Variants in ILDR1 observed in about 807,000 individuals in gnomAD.
The protein encoded by ILDR1 is immunoglobulin-like domain-containing receptor 1.
ILDR1 carries 56 observed loss-of-function variants against 62.4 expected under a neutral mutation model. That is an observed-to-expected ratio of 0.90 (90% CI 0.72 to 1.12). ILDR1 has a LOEUF of 1.12. Ranked by LOEUF, ILDR1 falls within the 50% of genes most tolerant of loss-of-function variation. The pLI is 0.00. For synonymous variants in ILDR1, 284 were observed against 277.8 expected (o/e 1.02, Z -0.22); for missense variants, 736 against 710.6 (o/e 1.04, Z -0.41).
upstream of ILDR1, among the ~76,000 whole-genome samples, chr3:122,023,283 G>C (rs889040378): frequency 1.3e-5 from 2 of 152,010 alleles, no homozygotes; most frequent in African/African-American, 4.8e-5. Context: ...GCCAGATCAA[G>C]GTTTTGACCT....
intron 1 of ILDR1, among the ~76,000 whole-genome samples, chr3:122,012,112 C>G (rs1397770068): frequency 6.6e-6 from 1 of 152,182 alleles, no homozygotes; most frequent in African/African-American, 2.4e-5. Context: ...AAATCACCCA[C>G]TTTCTTTTCC....
At chr3:122,056,492 G>A in the ILDR1 span, among the ~76,000 whole-genome samples, 6 of 151,986 alleles carry the variant, frequency 3.9e-5, no homozygotes, top group Non-Finnish European at 8.8e-5. Flanking sequence ...CCACCACCAC[G>A]CCCGGCTAAT....
intron 3 of ILDR1, among the ~76,000 whole-genome samples, chr3:122,003,882 T>G (rs1313876817): frequency 1.3e-5 from 2 of 152,162 alleles, no homozygotes; most frequent in African/African-American, 4.8e-5. Flanking sequence ...CTTGAAACTT[T>G]GAGGTCAGAT....
At chr3:122,035,259 G>C in the ILDR1 span, among the ~76,000 whole-genome samples, 1 of 152,070 alleles carries the variant, frequency 6.6e-6, no homozygotes, top group Non-Finnish European at 1.5e-5. Flanking sequence ...AGAAAAAAAA[G>C]TTTATCCCTG....
upstream of ILDR1, chr3:122,022,343 C>T (rs1341972860): frequency 2.5e-6 from 1 of 404,762 alleles, no homozygotes; most frequent in Non-Finnish European, 4.4e-6. Context: ...GGACTGCGGC[C>T]ACCTTCCCTA....
At chr3:122,000,915 G>A (rs545220951) in intron 5 of ILDR1, among the ~76,000 whole-genome samples, 20 of 152,206 alleles carry the variant, frequency 1.3e-4, no homozygotes, top group Non-Finnish European at 2.4e-4. Context: ...GGAAAAAACA[G>A]TTTTGTTTTC....
At chr3:122,052,368 C>A in the ILDR1 span, among the ~76,000 whole-genome samples, 1 of 152,210 alleles carries the variant, frequency 6.6e-6, no homozygotes, top group Non-Finnish European at 1.5e-5. Flanking sequence ...TTTTCCATGT[C>A]CCCTAGGGAT....
chr3:121,999,579 C>T (rs2071486612), intron 5 of ILDR1, among the ~76,000 whole-genome samples: 1 of 152,206 alleles, frequency 6.6e-6, no homozygotes, highest in African/African-American at 2.4e-5. Flanking sequence ...TCCCTCTTCC[C>T]TTGCCCTAAC....
chr3:122,029,511 A>AAAAAAATATAT, the ILDR1 span, among the ~76,000 whole-genome samples: 1 of 139,476 alleles, frequency 7.2e-6, no homozygotes, highest in African/African-American at 2.8e-5. Flanking sequence ...GTCTAAAAAA[A>AAAAAAATATAT]ATATATATAT....
the ILDR1 span, among the ~76,000 whole-genome samples, chr3:122,059,422 G>A: frequency 3.3e-5 from 5 of 152,024 alleles, no homozygotes; most frequent in African/African-American, 1.2e-4. Context: ...TGTAGTCCCA[G>A]CTACTTGGGA....
the ILDR1 span, among the ~76,000 whole-genome samples, chr3:122,047,382 T>C: frequency 1.3e-5 from 2 of 152,272 alleles, no homozygotes; most frequent in Non-Finnish European, 2.9e-5. Flanking sequence ...GTCTGTGCCC[T>C]GCCCCCAGAG....
At chr3:122,007,651 C>T (rs1346155807) in intron 1 of ILDR1, among the ~76,000 whole-genome samples, 3 of 152,202 alleles carry the variant, frequency 2.0e-5, no homozygotes, top group African/African-American at 4.8e-5. Flanking sequence ...GTCAGCCATT[C>T]TGAGCTTTCT....
In ILDR1 at chr3:122,005,303, C is replaced by G. The variant is rs2071589346; in HGVS notation, c.320G>C (p.Gly107Ala). Residue 107 changes from glycine to alanine, a missense_variant, in exon 3 of 8, where the codon GGG becomes GCG. Physicochemically the swap from Gly to Ala is moderately conservative, Grantham distance 60. Coordinates refer to ENST00000344209, the MANE Select transcript of ILDR1 (RefSeq NM_001199799.2). ...TACCCCCAGCACGGGCTCATTCTGC[C>G]CCCGCCGCTGGGCCACTATGCGAAC... ...REVRIVAQRR[G>A]QNEPVLGVDY... 1.2e-6 allele frequency: 2 copies of G among 1,613,800 alleles called. No homozygotes were observed. Among genetic ancestry groups the G allele is most frequent in the Non-Finnish European group, 8.5e-7 (1 of 1,179,930 alleles).
the ILDR1 span, among the ~76,000 whole-genome samples, chr3:122,033,306 G>A: frequency 1.3e-5 from 2 of 151,462 alleles, no homozygotes; most frequent in Non-Finnish European, 2.9e-5. Flanking sequence ...CTTGAGTCTC[G>A]GTGGAATCTT....
chr3:122,008,583 CTTTTCT>C (rs1268288628), intron 1 of ILDR1, among the ~76,000 whole-genome samples: 1 of 66,224 alleles, frequency 1.5e-5, no homozygotes, highest in African/African-American at 3.9e-5. Flanking sequence ...CTTTTCTTTT[CTTTTCT>C]TTTCTTTTTT....
chr3:122,021,935 G>C, intron 1 of ILDR1, 85 bp downstream of exon 1: 1 of 1,363,240 alleles, frequency 7.3e-7, no homozygotes, highest in Non-Finnish European at 1.0e-6. Context: ...CCACTGCCCT[G>C]CCCGCGGCCA....
Position 121,993,937 on chromosome 3 carries a change from G to A in ILDR1, c.812C>T (p.Pro271Leu), listed in dbSNP as rs1352837706. 2 of 1,612,770 alleles carry A rather than the reference G, an allele frequency of 1.2e-6. No homozygotes were observed. Among genetic ancestry groups the A allele is most frequent in the Non-Finnish European group, 1.7e-6 (2 of 1,180,020 alleles). The change falls in exon 7 of 8, where the codon CCA (proline) becomes CTA (leucine). Residue 271 changes from proline to leucine, a missense_variant. By Grantham distance (98) the Pro-to-Leu change is moderately conservative (BLOSUM62 -3). Coordinates refer to ENST00000344209, the MANE Select transcript of ILDR1 (RefSeq NM_001199799.2). ...AGGCTGATTGGTGGTCTGGGTCATT[G>A]GCATCTGCGGGAGGCTGGACGGCAG... ...LSLPSSLPQM[P>L]MTQTTNQPPI... is the part of the protein sequence containing the mutation.
chr3:122,023,978 G>T (rs953648040), upstream of ILDR1, among the ~76,000 whole-genome samples: 2 of 151,966 alleles, frequency 1.3e-5, no homozygotes, highest in East Asian at 3.9e-4. Flanking sequence ...CTCAATTCCA[G>T]TCTAAAAAGA....
At chr3:122,055,410 C>A in the ILDR1 span, 1 of 1,392,820 alleles carries the variant, frequency 7.2e-7, no homozygotes, top group Non-Finnish European at 1.0e-6. Flanking sequence ...TGCTTCTCTG[C>A]TGCTGTAACA....
Sources: gnomAD v4.1 joint callset for allele counts (sites outside exome capture counted in the v4.1 genomes callset) on GRCh38, gnomAD v4.1.1 for gene constraint, MANE v1.5 for transcripts, NCBI Gene and HGNC (gene_info 2026-07-23, HGNC 2026-07-21) for gene names.